HSD17B12: variants seen among roughly 807,000 people sequenced by gnomAD.
HSD17B12 encodes the protein hydroxysteroid 17-beta dehydrogenase 12.
HSD17B12 carries 32 observed loss-of-function variants against 39.3 expected under a neutral mutation model. That is an observed-to-expected ratio of 0.81 (90% CI 0.61 to 1.09). The LOEUF (loss-of-function observed/expected upper bound fraction) is 1.09. Among genes scored for constraint, HSD17B12 ranks in the 50% least tolerant of loss-of-function variants. The pLI is 0.00. For synonymous variants in HSD17B12, 150 were observed against 146.7 expected, an observed-to-expected ratio of 1.02 and a Z score of -0.16; for missense variants, 342 against 382.9, an observed-to-expected ratio of 0.89 and a Z score of 0.89.
At chr11:43,636,787 C>T in the HSD17B12 span, among the ~76,000 whole-genome samples, 1 of 152,002 alleles carries the variant, frequency 6.6e-6, no homozygotes, top group South Asian at 2.1e-4. Context: ...TTTTTTCAAC[C>T]TACATCATGC....
intron 1 of HSD17B12, among the ~76,000 whole-genome samples, chr11:43,709,413 A>G (rs975243522): frequency 2.6e-5 from 4 of 152,260 alleles, no homozygotes; most frequent in African/African-American, 9.6e-5. Flanking sequence ...GGCGTGAGCC[A>G]CTGCACCTGG....
At chr11:43,787,098 T>A (rs1195570710) in intron 3 of HSD17B12, among the ~76,000 whole-genome samples, 1 of 152,040 alleles carries the variant, frequency 6.6e-6, no homozygotes, top group African/African-American at 2.4e-5. Context: ...TGTACCACCA[T>A]GTCAGGCTAA....
At chr11:43,802,917 T>C (rs1286200756) in intron 4 of HSD17B12, among the ~76,000 whole-genome samples, 1 of 152,258 alleles carries the variant, frequency 6.6e-6, no homozygotes, top group Non-Finnish European at 1.5e-5. Context: ...AAAATCATTA[T>C]AGCTAATGTT....
the HSD17B12 span, among the ~76,000 whole-genome samples, chr11:43,579,694 G>A: frequency 2.6e-5 from 4 of 152,118 alleles, no homozygotes; most frequent in Non-Finnish European, 4.4e-5. Context: ...CGCTCGGAGG[G>A]TGTGTGCTTG....
chr11:43,745,890 C>T (rs922576248), intron 1 of HSD17B12, among the ~76,000 whole-genome samples: 1 of 152,050 alleles, frequency 6.6e-6, no homozygotes, highest in Non-Finnish European at 1.5e-5. Flanking sequence ...GTAGCATGTG[C>T]CTGTAGCTAC....
intron 1 of HSD17B12, among the ~76,000 whole-genome samples, chr11:43,706,688 G>GA (rs1330558420): frequency 6.9e-6 from 1 of 143,902 alleles, no homozygotes; most frequent in African/African-American, 2.7e-5. Flanking sequence ...GTGAATGAAG[G>GA]GGTGTGTGTG....
chr11:43,601,123 A>T, the HSD17B12 span, among the ~76,000 whole-genome samples: 1 of 150,852 alleles, frequency 6.6e-6, no homozygotes, highest in African/African-American at 2.4e-5. Context: ...TTTTAATGAC[A>T]TTCTGGCATC....
chr11:43,732,249 C>T (rs1257940820), intron 1 of HSD17B12, among the ~76,000 whole-genome samples: 1 of 152,154 alleles, frequency 6.6e-6, no homozygotes, highest in Non-Finnish European at 1.5e-5. Context: ...TTGTAAATTT[C>T]CTGAGGCCTC....
chr11:43,851,066 A>G (rs1951526295), intron 9 of HSD17B12, among the ~76,000 whole-genome samples: 1 of 152,232 alleles, frequency 6.6e-6, no homozygotes, highest in Non-Finnish European at 1.5e-5. Flanking sequence ...ATCTCAAGAT[A>G]CCAAGTTGTC....
the HSD17B12 span, among the ~76,000 whole-genome samples, chr11:43,603,228 G>T: frequency 6.6e-6 from 1 of 152,132 alleles, no homozygotes; most frequent in Non-Finnish European, 1.5e-5. Flanking sequence ...GTGCACTTTT[G>T]CTGTTAATCA....
intron 1 of HSD17B12, among the ~76,000 whole-genome samples, chr11:43,685,827 T>A (rs1949792814): frequency 6.6e-6 from 1 of 152,226 alleles, no homozygotes; most frequent in African/African-American, 2.4e-5. Context: ...TTTTTAAAAT[T>A]TAAATTTTTG....
At chr11:43,700,644 G>T (rs1312465232) in intron 1 of HSD17B12, among the ~76,000 whole-genome samples, 1 of 152,104 alleles carries the variant, frequency 6.6e-6, no homozygotes, top group East Asian at 1.9e-4. Context: ...TTCCATCCAT[G>T]TTGTTGTAAA....
At chr11:43,599,575 C>T in the HSD17B12 span, among the ~76,000 whole-genome samples, 1 of 152,188 alleles carries the variant, frequency 6.6e-6, no homozygotes, top group Non-Finnish European at 1.5e-5. Flanking sequence ...CCTCCTTCTG[C>T]CCTCCTGCCT....
intron 5 of HSD17B12, 69 bp from the exon 6 acceptor site, chr11:43,816,278 C>G: frequency 8.0e-7 from 1 of 1,253,554 alleles, no homozygotes; most frequent in Non-Finnish European, 1.1e-6. Context: ...TCTAGATTAC[C>G]TAAGTAGATA....
chr11:43,639,124 T>C, the HSD17B12 span, among the ~76,000 whole-genome samples: 1 of 152,250 alleles, frequency 6.6e-6, no homozygotes, highest in Non-Finnish European at 1.5e-5. Context: ...ATTATTTACC[T>C]ACCACATCTT....
At chr11:43,652,885 G>A in the HSD17B12 span, among the ~76,000 whole-genome samples, 1 of 151,998 alleles carries the variant, frequency 6.6e-6, no homozygotes, top group East Asian at 1.9e-4. Flanking sequence ...AAAAGAGTAT[G>A]ATCTAATACT....
At chr11:43,782,189 GTCACAAATAAAGCTATCTCT>G (rs1950772411) in intron 3 of HSD17B12, among the ~76,000 whole-genome samples, 1 of 152,110 alleles carries the variant, frequency 6.6e-6, no homozygotes, top group South Asian at 2.1e-4. Context: ...CCAAGTGAAG[GTCACAAATAAAGCTATCTCT>G]TCTCAAATCA....
chr11:43,779,141 A>T (rs546104725), intron 3 of HSD17B12, among the ~76,000 whole-genome samples: 253 of 152,320 alleles, frequency 1.7e-3, no homozygotes, highest in African/African-American at 5.9e-3. Context: ...ATGAGATAGA[A>T]TTTATCTTTT....
At chr11:43,572,025 G>A in the HSD17B12 span, among the ~76,000 whole-genome samples, 1 of 152,196 alleles carries the variant, frequency 6.6e-6, no homozygotes, top group South Asian at 2.1e-4. Context: ...AGGATGACTA[G>A]CTAACTCAAG....
Sources: gnomAD v4.1 joint callset for allele counts (sites outside exome capture counted in the v4.1 genomes callset) on GRCh38, gnomAD v4.1.1 for gene constraint, MANE v1.5 for transcripts, NCBI Gene and HGNC (gene_info 2026-07-23, HGNC 2026-07-21) for gene names.